Variants in KCND3 observed in about 807,000 individuals in gnomAD.
KCND3 encodes potassium voltage-gated channel subfamily D member 3, also known as A-type voltage-gated potassium channel KCND3.
Under a neutral mutation model 51.1 loss-of-function variants are expected in KCND3, and 9 were observed. The ratio of observed to expected loss-of-function variants is 0.18; its 90% CI spans 0.11 to 0.31. The LOEUF (loss-of-function observed/expected upper bound fraction) is 0.31. KCND3 is among the 10% of genes least tolerant of loss of function. KCND3 has a pLI of 1.00. For missense variants in KCND3, 526 were observed against 903.8 expected, an observed-to-expected ratio of 0.58 and a Z score of 5.36; for synonymous variants, 349 against 368.0, an observed-to-expected ratio of 0.95 and a Z score of 0.59.
chr1:111,947,803 G>C (rs776622373), intron 2 of KCND3, among the ~76,000 whole-genome samples: 26 of 152,348 alleles, frequency 1.7e-4, no homozygotes, highest in Non-Finnish European at 2.6e-4. Flanking sequence ...AGAATTGTCA[G>C]AGGGACCTGT....
At chr1:111,861,245 C>G (rs1208215260) in intron 2 of KCND3, among the ~76,000 whole-genome samples, 1 of 152,022 alleles carries the variant, frequency 6.6e-6, no homozygotes, top group Non-Finnish European at 1.5e-5. Flanking sequence ...GGAAAGTTTC[C>G]CAGGAGAGGC....
chr1:111,981,632 C>A lies in KCND3; in HGVS notation c.1095G>T (p.Met365Ile). 1.2e-6 allele frequency: 2 copies of A among 1,614,142 alleles called. No homozygotes were observed. Among genetic ancestry groups the A allele is most frequent in the South Asian group, 2.2e-5 (2 of 91,026 alleles). Residue 365 changes from methionine to isoleucine, a missense_variant, in exon 2 of 8, where the codon ATG (methionine) becomes ATT (isoleucine). Met to Ile is a conservative substitution (Grantham distance 10, BLOSUM62 1). Around this residue, in one of 5 missense-constraint regions of KCND3, gnomAD observed 48 missense variants for 228.5 expected, o/e 0.21. Coordinates refer to ENST00000302127, the MANE Select transcript of KCND3 (RefSeq NM_001378969.1). The surrounding 1 kb of genome is among the most constrained non-coding windows in gnomAD (Gnocchi z 6.2). The stretch of plus-strand genomic sequence containing the variant: ...CAGCGCTGACTTACCCCAGTGTGGT[C>A]ATGGTGACAATGGTGTACCAAAACG... ...PASFWYTIVT[M>I]TTLGYGDMVP...
intron 2 of KCND3, among the ~76,000 whole-genome samples, chr1:111,809,961 C>T (rs1665774970): frequency 6.6e-6 from 1 of 152,164 alleles, no homozygotes; most frequent in African/African-American, 2.4e-5. Context: ...TTTCCTAGCC[C>T]CCTCCTGGGC....
intron 2 of KCND3, among the ~76,000 whole-genome samples, chr1:111,915,217 T>C (rs1468885685): frequency 6.6e-6 from 1 of 152,052 alleles, no homozygotes; most frequent in Non-Finnish European, 1.5e-5. Context: ...AAATTACATA[T>C]GAGACAATCT....
In KCND3 at chr1:111,950,304, AC is replaced by A. The variant is rs1412409675; in HGVS notation, c.1106+31316del. On this transcript the variant is annotated intron_variant, in intron 2 of 7. Transcript: ENST00000302127. Reference sequence around the variant, plus strand: ...AATTTTTTTGAAAATACTGGTCGTGACCCACTAAGTTAATTTTGTGACCTAC... The same window carrying A: ...AATTTTTTTGAAAATACTGGTCGTGACCACTAAGTTAATTTTGTGACCTAC... Among the ~76,000 whole-genome samples, 3 of 152,150 alleles carry A rather than the reference AC, an allele frequency of 2.0e-5. No homozygotes were observed. The East Asian group carries it at 5.8e-4, about 29-fold the overall frequency.
chr1:111,816,012 T>C (rs1341299966), intron 2 of KCND3, among the ~76,000 whole-genome samples: 1 of 152,224 alleles, frequency 6.6e-6, no homozygotes, highest in Non-Finnish European at 1.5e-5. Flanking sequence ...ACCTGAGCGC[T>C]AATGCTGTGC....
chr1:111,873,204 C>T (rs1263128468), intron 2 of KCND3, among the ~76,000 whole-genome samples: 1 of 152,234 alleles, frequency 6.6e-6, no homozygotes, highest in Non-Finnish European at 1.5e-5. Context: ...CTCGAAATGT[C>T]TCTGCCCTCT....
intron 2 of KCND3, among the ~76,000 whole-genome samples, chr1:111,823,258 C>T (rs1666427614): frequency 6.6e-6 from 1 of 152,184 alleles, no homozygotes; most frequent in Admixed American, 6.5e-5. Flanking sequence ...CAGGCAGTGG[C>T]ATGTGTGTGC....
intron 2 of KCND3, among the ~76,000 whole-genome samples, chr1:111,871,986 C>T (rs529320220): frequency 1.6e-3 from 248 of 152,038 alleles, no homozygotes; most frequent in Non-Finnish European, 2.6e-3. Context: ...TGGTCAGTAC[C>T]GTCAAGAGCA....
intron 2 of KCND3, among the ~76,000 whole-genome samples, chr1:111,963,068 T>C (rs967916776): frequency 6.6e-6 from 1 of 152,144 alleles, no homozygotes; most frequent in African/African-American, 2.4e-5. Context: ...AGATATGTGA[T>C]TGAGGCCATC....
In KCND3 at chr1:111,795,685, C is replaced by G. The variant is rs530567161; in HGVS notation, c.1107-8579G>C. Among the ~76,000 whole-genome samples the G allele has an allele frequency of 2.6e-4, 39 of 152,256 alleles. 1 individual carries two copies. The highest frequency in any genetic ancestry group is 5.4e-4 in the Non-Finnish European group (37 of 68,006). On this transcript the variant is annotated intron_variant, in intron 2 of 7. Coordinates refer to ENST00000302127, the MANE Select transcript of KCND3 (RefSeq NM_001378969.1). ...TCTTTGTGACAGAACGATTTATAATCCTTTGGGTATTTATCCAGTAATGGG... is the reference window on the plus strand; with the variant it reads ...TCTTTGTGACAGAACGATTTATAATGCTTTGGGTATTTATCCAGTAATGGG...
intron 2 of KCND3, among the ~76,000 whole-genome samples, chr1:111,821,424 T>C (rs1313492660): frequency 6.6e-6 from 1 of 152,174 alleles, no homozygotes; most frequent in Non-Finnish European, 1.5e-5. Context: ...AGGCCTTGAG[T>C]GCACAGCGGG....
intron 2 of KCND3, among the ~76,000 whole-genome samples, chr1:111,865,125 TG>T (rs1668500725): frequency 6.6e-6 from 1 of 152,234 alleles, no homozygotes; most frequent in African/African-American, 2.4e-5. Flanking sequence ...GGGTGAACCA[TG>T]CTGTGACTTT....
chr1:111,787,885 T>A (rs1294818811), intron 2 of KCND3, among the ~76,000 whole-genome samples: 5 of 152,226 alleles, frequency 3.3e-5, no homozygotes, highest in Non-Finnish European at 7.3e-5. Flanking sequence ...CTGAGATAAT[T>A]ACATGGACTG....
Position 111,813,282 on chromosome 1 carries a change from C to G in KCND3, c.1107-26176G>C, listed in dbSNP as rs181362761. ...AATTTCTGATTCCAGCCTGATCAGA[C>G]TCCAGTCCCTCAAATTAATGCACGA... On this transcript the variant is annotated intron_variant, in intron 2 of 7. Coordinates refer to ENST00000302127, the MANE Select transcript of KCND3 (RefSeq NM_001378969.1). Among the ~76,000 whole-genome samples, 82 of 152,354 alleles carry G rather than the reference C, an allele frequency of 5.4e-4. 1 individual carries two copies. Among genetic ancestry groups the G allele is most frequent in the African/African-American group, 1.9e-3 (79 of 41,588 alleles).
chr1:111,895,284 G>C (rs1037969466), intron 2 of KCND3, among the ~76,000 whole-genome samples: 1 of 151,548 alleles, frequency 6.6e-6, no homozygotes, highest in Admixed American at 6.6e-5. Context: ...CTGCCTGGGG[G>C]TTTCTCTGCT....
intron 2 of KCND3, among the ~76,000 whole-genome samples, chr1:111,840,857 T>C (rs970843075): frequency 6.6e-6 from 1 of 152,190 alleles, no homozygotes; most frequent in Non-Finnish European, 1.5e-5. Context: ...TTCCCATCCC[T>C]GCTCTTTTTG....
chr1:111,905,729 T>A (rs1670617704), intron 2 of KCND3, among the ~76,000 whole-genome samples: 1 of 152,038 alleles, frequency 6.6e-6, no homozygotes, highest in Admixed American at 6.6e-5. Flanking sequence ...GTCCAGTGAG[T>A]CTCAGCCCCA....
At chr1:111,839,088 G>C (rs1460310999) in intron 2 of KCND3, among the ~76,000 whole-genome samples, 1 of 152,174 alleles carries the variant, frequency 6.6e-6, no homozygotes, top group African/African-American at 2.4e-5. Flanking sequence ...TATCTTTTTA[G>C]AGTTTCATCG....
Sources: gnomAD v4.1 joint callset for allele counts (sites outside exome capture counted in the v4.1 genomes callset) on GRCh38, gnomAD v4.1.1 for gene constraint, gnomAD v4.1.1 regional missense constraint, Gnocchi (gnomAD v3.1) non-coding constraint, MANE v1.5 for transcripts, NCBI Gene and HGNC (gene_info 2026-07-23, HGNC 2026-07-21) for gene names.